Variants in VPS4A observed in about 807,000 individuals in gnomAD.
The protein encoded by VPS4A is vacuolar protein sorting 4 homolog A, also known as vacuolar protein sorting-associated protein 4A.
VPS4A carries 20 observed loss-of-function variants against 52.3 expected under a neutral mutation model. That is an observed-to-expected ratio of 0.38 (90% CI 0.27 to 0.56). VPS4A has a LOEUF of 0.56. VPS4A is among the 20% of genes least tolerant of loss of function. VPS4A has a pLI of 0.72. For missense variants in VPS4A, 419 were observed against 575.9 expected (o/e 0.73, Z 2.79); for synonymous variants, 293 against 227.7 (o/e 1.29, Z -2.58).
intron 1 of VPS4A, among the ~76,000 whole-genome samples, chr16:69,313,391 A>G (rs1420246612): frequency 1.3e-5 from 2 of 151,258 alleles, no homozygotes; most frequent in Non-Finnish European, 2.9e-5. Context: ...TCCAAAAGAA[A>G]CCCCTCACCC....
intron 3 of VPS4A, among the ~76,000 whole-genome samples, chr16:69,317,762 C>T (rs1965456337): frequency 6.6e-6 from 1 of 151,796 alleles, no homozygotes; most frequent in Non-Finnish European, 1.5e-5. Context: ...CACTACACTC[C>T]AGCCTGGGCG....
chr16:69,324,910 T>C lies in VPS4A; in HGVS notation c.*601T>C, dbSNP rs1428384194. The C allele has an allele frequency of 6.3e-6, 1 of 159,044 alleles. No homozygotes were observed. The highest frequency in any genetic ancestry group is 2.4e-5 in the African/African-American group (1 of 41,604). The allele number at this position is 159,044 out of a possible 1,614,324, so 9.9% of individuals were successfully genotyped here. A position where few individuals can be genotyped will look rare whatever the true frequency, so the allele number is the denominator to read the frequency against. ...GGGGGAGGAGATGGTGTCGTTTAGATCAGGGTAAGGCAGTCAGGCGGGTGT... is the reference window on the plus strand; with the variant it reads ...GGGGGAGGAGATGGTGTCGTTTAGACCAGGGTAAGGCAGTCAGGCGGGTGT... On this transcript the variant is annotated 3_prime_UTR_variant, in exon 11 of 11. Coordinates refer to ENST00000254950, the MANE Select transcript of VPS4A (RefSeq NM_013245.3).
At chr16:69,314,462 G>A (rs964676346) in intron 1 of VPS4A, among the ~76,000 whole-genome samples, 12 of 152,076 alleles carry the variant, frequency 7.9e-5, no homozygotes, top group African/African-American at 2.7e-4. Context: ...GGAGAGGAGC[G>A]CTGCCTTCCT....
At chr16:69,313,339 G>T (rs897376285) in intron 1 of VPS4A, among the ~76,000 whole-genome samples, 6 of 152,110 alleles carry the variant, frequency 3.9e-5, no homozygotes, top group African/African-American at 1.4e-4. Flanking sequence ...TCATGGTTGT[G>T]TGACCATCAC....
At chr16:69,314,616 A>G (rs1597210965) in intron 1 of VPS4A, among the ~76,000 whole-genome samples, 1 of 151,578 alleles carries the variant, frequency 6.6e-6, no homozygotes, top group South Asian at 2.1e-4. Context: ...GCCAGCACTC[A>G]CCCCTCTTCT....
intron 5 of VPS4A, 81 bp downstream of exon 5, chr16:69,319,023 A>G (rs1439936348): frequency 3.5e-5 from 54 of 1,558,346 alleles, no homozygotes; most frequent in Middle Eastern, 1.8e-4. Flanking sequence ...CCCGGGAGTC[A>G]GTGGCGACTC....
At chr16:69,323,891 G>A (rs949741630) in intron 10 of VPS4A, among the ~76,000 whole-genome samples, 11 of 149,540 alleles carry the variant, frequency 7.4e-5, no homozygotes, top group African/African-American at 1.7e-4. Flanking sequence ...TGGAGGTTGC[G>A]GTGAGCCGAG....
intron 1 of VPS4A, among the ~76,000 whole-genome samples, chr16:69,314,665 G>A (rs1231672297): frequency 6.6e-6 from 1 of 152,178 alleles, no homozygotes; most frequent in East Asian, 1.9e-4. Context: ...ACATCAGCCT[G>A]GCCCAGCCTC....
At chr16:69,311,745 C>T (rs1417723713) in intron 1 of VPS4A, among the ~76,000 whole-genome samples, 1 of 152,194 alleles carries the variant, frequency 6.6e-6, no homozygotes, top group Non-Finnish European at 1.5e-5. Flanking sequence ...CGGCCCTGCC[C>T]GGCTGGCCCA....
intron 4 of VPS4A, 41 bp from the exon 5 acceptor site, chr16:69,318,782 C>G: frequency 6.2e-7 from 1 of 1,612,362 alleles, no homozygotes; most frequent in Non-Finnish European, 8.5e-7. Flanking sequence ...GGCTCATGCC[C>G]CTTGGCCGGG....
In VPS4A at chr16:69,321,556, G is replaced by A. The variant is rs1466176731; in HGVS notation, c.1071+286G>A. 4 of 460,456 alleles carry A rather than the reference G, an allele frequency of 8.7e-6. No homozygotes were observed. Among genetic ancestry groups the A allele is most frequent in the East Asian group, 4.0e-5 (1 of 25,212 alleles). The allele number at this position is 460,456 out of a possible 1,614,324, so 28.5% of individuals were successfully genotyped here. Reference sequence around the variant, plus strand: ...CCGTCAGCACTGTGTGCTCTTGTGCGGGGTGGACACCAAATCAGTGTTTGG... The same window carrying A: ...CCGTCAGCACTGTGTGCTCTTGTGCAGGGTGGACACCAAATCAGTGTTTGG... On this transcript the variant is annotated intron_variant, in intron 9 of 10. Transcript: ENST00000254950. This position sits in a 1 kb window ranked among gnomAD's most constrained non-coding sequence, Gnocchi z 4.5.
In VPS4A at chr16:69,321,337, C is replaced by T. The variant is rs1380891445; in HGVS notation, c.1071+67C>T. 13 of 1,440,224 alleles carry T rather than the reference C, an allele frequency of 9.0e-6. No individual in the cohort carries two copies. Among genetic ancestry groups the T allele is most frequent in the Middle Eastern group, 2.3e-4 (1 of 4,304 alleles). The allele number at this position is 1,440,224 out of a possible 1,614,324, so 89.2% of individuals were successfully genotyped here. On this transcript the variant is annotated intron_variant, in intron 9 of 10. Coordinates refer to ENST00000254950, the MANE Select transcript of VPS4A (RefSeq NM_013245.3). The surrounding 1 kb of genome is among the most constrained non-coding windows in gnomAD (Gnocchi z 4.5). Reference sequence around the variant, plus strand: ...GAGCGGGATGTTCGGTTTTTTTTTTCCCAGCTCCTGGTCCTGCTCCCCGGC... The same window carrying T: ...GAGCGGGATGTTCGGTTTTTTTTTTTCCAGCTCCTGGTCCTGCTCCCCGGC...
At chr16:69,314,154 A>G (rs1013202807) in intron 1 of VPS4A, among the ~76,000 whole-genome samples, 7 of 151,764 alleles carry the variant, frequency 4.6e-5, no homozygotes, top group African/African-American at 1.7e-4. Flanking sequence ...TTTAGTAGAG[A>G]TGGTGCTTCA....
chr16:69,316,407 C>G, intron 3 of VPS4A, 35 bp downstream of exon 3: 1 of 1,608,746 alleles, frequency 6.2e-7, no homozygotes. Flanking sequence ...GGAACCTGGG[C>G]CCTCCTCACG....
In VPS4A at chr16:69,321,309, T is replaced by C; in HGVS notation, c.1071+39T>C. 6.5e-7 allele frequency: 1 copy of C among 1,537,852 alleles called. No homozygotes were observed. The highest frequency in any genetic ancestry group is 1.4e-5 in the African/African-American group (1 of 72,808). ...GCCACTGCTGAGAAAAATCTCATAG[T>C]AAGAGCGGGATGTTCGGTTTTTTTT... On this transcript the variant is annotated intron_variant, in intron 9 of 10. Coordinates refer to ENST00000254950, the MANE Select transcript of VPS4A (RefSeq NM_013245.3). The surrounding 1 kb of genome is among the most constrained non-coding windows in gnomAD (Gnocchi z 4.5).
Position 69,324,315 on chromosome 16 carries a change from G to A in VPS4A, c.*6G>A, listed in dbSNP as rs769990140. 1.9e-6 allele frequency: 3 copies of A among 1,612,896 alleles called. No homozygotes were observed. Among genetic ancestry groups the A allele is most frequent in the African/African-American group, 1.3e-5 (1 of 74,934 alleles). On this transcript the variant is annotated 3_prime_UTR_variant, in exon 11 of 11. Coordinates refer to ENST00000254950, the MANE Select transcript of VPS4A (RefSeq NM_013245.3). ...ACTTTGGGCAAGAGAGTTAAAAGCTGCTTCACTTGGGCAATGGTGAAGGTG... is the reference window on the plus strand; with the variant it reads ...ACTTTGGGCAAGAGAGTTAAAAGCTACTTCACTTGGGCAATGGTGAAGGTG...
chr16:69,319,324 C>T lies in VPS4A; in HGVS notation c.464-63C>T, dbSNP rs944051148. 5.0e-6 allele frequency: 8 copies of T among 1,594,880 alleles called. No individual in the cohort carries two copies. In the African/African-American group the frequency reaches 9.4e-5, roughly 19 times the overall value. On this transcript the variant is annotated intron_variant, in intron 5 of 10. Coordinates refer to ENST00000254950, the MANE Select transcript of VPS4A (RefSeq NM_013245.3). ...TTACTGTATGTATGGGACTCGAGAC[C>T]CTCTGCTTTTCCTATTCCTTTCCCC...
intron 1 of VPS4A, among the ~76,000 whole-genome samples, chr16:69,313,172 G>A (rs868661259): frequency 5.4e-5 from 8 of 149,122 alleles, no homozygotes; most frequent in Admixed American, 2.7e-4. Context: ...TAGTAGAGAC[G>A]GGGTTTCACC....
In VPS4A at chr16:69,312,972, T is replaced by C. The variant is rs370691956; in HGVS notation, c.21+1440T>C. ...TACCATATAACTCACCCGTTATATA[T>C]TTTTGTTTTTATTAATTTTTTTTTT... is the stretch of plus-strand genomic sequence containing the variant. On this transcript the variant is annotated intron_variant, in intron 1 of 10. Transcript: ENST00000254950. 4.6e-4 allele frequency among the ~76,000 whole-genome samples: 70 copies of C among 151,362 alleles called. 3 individuals carry two copies. In the South Asian group the frequency reaches 0.014, roughly 30 times the overall value.
Sources: gnomAD v4.1 joint callset for allele counts (sites outside exome capture counted in the v4.1 genomes callset) on GRCh38, gnomAD v4.1.1 for gene constraint, Gnocchi (gnomAD v3.1) non-coding constraint, MANE v1.5 for transcripts, NCBI Gene and HGNC (gene_info 2026-07-23, HGNC 2026-07-21) for gene names.